DNM3: variants seen among roughly 807,000 people sequenced by gnomAD.
DNM3 encodes the protein dynamin-3.
DNM3 carries 47 observed loss-of-function variants against 101.6 expected under a neutral mutation model. The observed-to-expected ratio is 0.46, with a 90% CI of 0.37 to 0.59. The LOEUF (loss-of-function observed/expected upper bound fraction) is 0.59. Among genes scored for constraint, DNM3 ranks in the 20% least tolerant of loss-of-function variants. The pLI is 0.00. For missense variants in DNM3, 849 were observed against 1,085.7 expected (o/e 0.78, Z 3.06); for synonymous variants, 385 against 387.9 (o/e 0.99, Z 0.09).
chr1:171,928,095 G>A (rs2040722579), intron 2 of DNM3, among the ~76,000 whole-genome samples: 1 of 152,226 alleles, frequency 6.6e-6, no homozygotes, highest in Non-Finnish European at 1.5e-5. Flanking sequence ...TGGCTTCAGG[G>A]TGGGGTATGT....
In DNM3 at chr1:171,949,035, ATCTTT is replaced by A. The variant is rs200765640; in HGVS notation, c.235+27219_235+27223del. Among the ~76,000 whole-genome samples the A allele has an allele frequency of 6.7e-3, 1,016 of 152,264 alleles. 12 individuals are homozygous for A. Among genetic ancestry groups the A allele is most frequent in the African/African-American group, 0.023 (952 of 41,558 alleles). On this transcript the variant is annotated intron_variant, in intron 2 of 20. Transcript: ENST00000627582. ...AAGCATAAAGTTACTAAAAAATAAA[ATCTTT>A]TCTTATCATACAGAGACCTCAGAAA...
intron 1 of DNM3, among the ~76,000 whole-genome samples, chr1:171,902,320 A>C (rs930335614): frequency 2.0e-5 from 3 of 152,254 alleles, no homozygotes; most frequent in Non-Finnish European, 4.4e-5. Flanking sequence ...TTCTTTGAGA[A>C]CTGCCAATGA....
chr1:172,211,305 C>T (rs1459268966), intron 14 of DNM3, among the ~76,000 whole-genome samples: 1 of 152,014 alleles, frequency 6.6e-6, no homozygotes, highest in African/African-American at 2.4e-5. Flanking sequence ...GTCTAAGAAA[C>T]AAAATCCAGC....
intron 17 of DNM3, among the ~76,000 whole-genome samples, chr1:172,348,430 G>A (rs1487050130): frequency 6.6e-6 from 1 of 152,184 alleles, no homozygotes; most frequent in African/African-American, 2.4e-5. Context: ...CTACAAAGGA[G>A]TGGAATTAGA....
chr1:171,910,963 G>A (rs2039243659), intron 1 of DNM3, among the ~76,000 whole-genome samples: 1 of 152,166 alleles, frequency 6.6e-6, no homozygotes, highest in South Asian at 2.1e-4. Flanking sequence ...AAAGAAAGAG[G>A]CATTAGACAA....
At chr1:172,360,771 A>G (rs894133828) in intron 17 of DNM3, among the ~76,000 whole-genome samples, 22 of 152,124 alleles carry the variant, frequency 1.4e-4, no homozygotes, top group African/African-American at 4.6e-4. Context: ...ACTTTAGCCA[A>G]TCTGTCCTCA....
intron 14 of DNM3, among the ~76,000 whole-genome samples, chr1:172,208,198 A>C (rs146484795): frequency 1.3e-4 from 20 of 152,222 alleles, no homozygotes; most frequent in African/African-American, 4.8e-4. Flanking sequence ...AAGTAGTAGA[A>C]GACAGAAAAC....
chr1:172,407,651 C>G (rs887870344), intron 20 of DNM3, 121 bp from the exon 21 acceptor site: 2 of 913,648 alleles, frequency 2.2e-6, no homozygotes, highest in African/African-American at 3.3e-5. Flanking sequence ...AGATCATAAC[C>G]ACTTCTGCTG....
rs200596234 is a variant in DNM3 at position 172,318,708 on chromosome 1, C to T, written c.1882-4621C>T. 7.2e-5 allele frequency among the ~76,000 whole-genome samples: 11 copies of T among 152,264 alleles called. No individual in the cohort carries two copies. In the East Asian group the frequency reaches 1.5e-3, roughly 21 times the overall value. ...ACGTGAAGGACCTCTTCAAGGAGAA[C>T]TACAAACCACTGCTCAATGAAATAA... On this transcript the variant is annotated intron_variant, in intron 16 of 20. Coordinates refer to ENST00000627582, the MANE Select transcript of DNM3 (RefSeq NM_015569.5).
In DNM3 at chr1:172,157,020, A is replaced by AG. The variant is rs2058364701; in HGVS notation, c.1659+25734dup. ...ATGGAAGACAATTTTTCCACAGATC[A>AG]GGATGAGGTGGATGGTTTTGGGATG... On this transcript the variant is annotated intron_variant, in intron 14 of 20. Transcript: ENST00000627582. Among the ~76,000 whole-genome samples, 3 of 152,186 alleles carry AG rather than the reference A, an allele frequency of 2.0e-5. No homozygotes were observed. The South Asian group carries it at 6.2e-4, about 32-fold the overall frequency.
At chr1:172,143,443 A>G (rs1480236814) in intron 14 of DNM3, among the ~76,000 whole-genome samples, 3 of 152,120 alleles carry the variant, frequency 2.0e-5, no homozygotes, top group African/African-American at 7.2e-5. Context: ...TCACATTGCA[A>G]TCCAGACTTG....
intron 4 of DNM3, among the ~76,000 whole-genome samples, chr1:172,025,631 G>T (rs1263529789): frequency 1.3e-5 from 2 of 152,200 alleles, no homozygotes; most frequent in African/African-American, 4.8e-5. Context: ...TTGCTGTTCT[G>T]CAGCCTCCGC....
chr1:172,157,151 C>G (rs1263533952), intron 14 of DNM3, among the ~76,000 whole-genome samples: 1 of 152,022 alleles, frequency 6.6e-6, no homozygotes, highest in African/African-American at 2.4e-5. Context: ...TCAGGGGGAA[C>G]CCTGAGCTTG....
intron 16 of DNM3, among the ~76,000 whole-genome samples, chr1:172,315,400 C>T (rs1353079679): frequency 2.6e-5 from 4 of 152,180 alleles, no homozygotes; most frequent in Admixed American, 1.3e-4. Flanking sequence ...ATTACTTTGA[C>T]GAGTTGAGAG....
intron 16 of DNM3, among the ~76,000 whole-genome samples, chr1:172,314,493 G>A (rs557595543): frequency 6.6e-6 from 1 of 152,300 alleles, no homozygotes; most frequent in South Asian, 2.1e-4. Flanking sequence ...TCAAGGAAAG[G>A]GGTGACAGAC....
At chr1:172,218,567 A>G (rs2148553243) in intron 14 of DNM3, among the ~76,000 whole-genome samples, 1 of 152,250 alleles carries the variant, frequency 6.6e-6, no homozygotes, top group Non-Finnish European at 1.5e-5. Context: ...ATATTTTACT[A>G]TAGAAACGTG....
At chr1:171,906,435 C>CT (rs574089410) in intron 1 of DNM3, among the ~76,000 whole-genome samples, 105 of 145,352 alleles carry the variant, frequency 7.2e-4, no homozygotes, top group African/African-American at 1.8e-3. Flanking sequence ...ACCAACAAAA[C>CT]TTTTTTTTTT....
intron 10 of DNM3, among the ~76,000 whole-genome samples, chr1:172,052,633 A>G (rs921405492): frequency 1.3e-5 from 2 of 152,060 alleles, no homozygotes; most frequent in Non-Finnish European, 2.9e-5. Flanking sequence ...TCCTGAGACT[A>G]TATTCCACTC....
At chr1:172,194,874 A>AT in intron 14 of DNM3, among the ~76,000 whole-genome samples, 1 of 152,134 alleles carries the variant, frequency 6.6e-6, no homozygotes, top group Non-Finnish European at 1.5e-5. Flanking sequence ...TAAGGTTAAT[A>AT]TTGATATGTG....
Sources: gnomAD v4.1 joint callset for allele counts (sites outside exome capture counted in the v4.1 genomes callset) on GRCh38, gnomAD v4.1.1 for gene constraint, MANE v1.5 for transcripts, NCBI Gene and HGNC (gene_info 2026-07-23, HGNC 2026-07-21) for gene names.